ZFYVE1: variants seen among roughly 807,000 people sequenced by gnomAD.
ZFYVE1 encodes the protein zinc finger FYVE domain-containing protein 1.
In ZFYVE1, 30 loss-of-function variants were observed where a neutral mutation model predicts 74.4. The observed-to-expected ratio is 0.40, with a 90% confidence interval of 0.30 to 0.55. The LOEUF (loss-of-function observed/expected upper bound fraction) is 0.55, where lower values mean the gene tolerates loss of function less well. ZFYVE1 is among the 20% of genes least tolerant of loss of function. The pLI is 0.42. For missense variants in ZFYVE1, 703 were observed against 1,011.6 expected (o/e 0.69, Z 4.14); for synonymous variants, 335 against 385.1 (o/e 0.87, Z 1.52).
intron 2 of ZFYVE1, among the ~76,000 whole-genome samples, chr14:73,010,596 G>A (rs1410176926): frequency 2.7e-5 from 4 of 147,338 alleles, no homozygotes; most frequent in African/African-American, 5.0e-5. Context: ...GTGAAACTCC[G>A]TCTCAAAAAA....
intron 2 of ZFYVE1, among the ~76,000 whole-genome samples, chr14:73,006,128 C>T (rs890287858): frequency 1.3e-5 from 2 of 151,784 alleles, no homozygotes; most frequent in East Asian, 4.0e-4. Context: ...ACCGTGTTAG[C>T]CAGGATGGTC....
At chr14:73,003,031 G>A (rs112826774) in intron 2 of ZFYVE1, among the ~76,000 whole-genome samples, 10,223 of 147,030 alleles carry the variant, frequency 0.07, 498 homozygotes, top group South Asian at 0.19. Context: ...TGTGACCACC[G>A]TGCCCAGCCC....
intron 5 of ZFYVE1, among the ~76,000 whole-genome samples, chr14:72,980,541 ATTTATTTATTTATTT>A (rs1893297708): frequency 7.7e-5 from 9 of 117,208 alleles, no homozygotes; most frequent in South Asian, 2.5e-4. Context: ...TAATTAATTT[ATTTATTTATTTATTT>A]ATTTATTTAT....
At chr14:73,012,938 A>G (rs1380268123) in intron 2 of ZFYVE1, among the ~76,000 whole-genome samples, 2 of 152,186 alleles carry the variant, frequency 1.3e-5, no homozygotes, top group Non-Finnish European at 2.9e-5. Flanking sequence ...GCTAGAAAGT[A>G]GAGGAATTTC....
At chr14:72,993,506 G>C in intron 3 of ZFYVE1, 149 bp from the exon 4 acceptor site, 2 of 624,198 alleles carry the variant, frequency 3.2e-6, no homozygotes, top group Non-Finnish European at 5.3e-6. Flanking sequence ...AGTTCAGCCT[G>C]GCCAACATGG....
chr14:72,977,198 G>A (rs980262082), intron 8 of ZFYVE1, among the ~76,000 whole-genome samples: 3 of 152,132 alleles, frequency 2.0e-5, no homozygotes, highest in Admixed American at 6.6e-5. Flanking sequence ...ACCTGAGGTC[G>A]GGAGTTTGAA....
Position 72,993,303 on chromosome 14 carries a change from C to T in ZFYVE1, c.1043G>A (p.Gly348Asp), listed in dbSNP as rs750480920. 6.2e-7 allele frequency: 1 copy of T among 1,613,406 alleles called. No homozygotes were observed. Among genetic ancestry groups the T allele is most frequent in the South Asian group, 1.1e-5 (1 of 91,066 alleles). Residue 348 changes from glycine to aspartate, a missense_variant, in exon 4 of 12, where the codon GGC becomes GAC. Gly to Asp is a moderately conservative substitution (Grantham distance 94, BLOSUM62 -1). This residue lies in a region of ZFYVE1 where 492 missense variants were observed against 790.0 expected (regional missense o/e 0.62). Coordinates refer to ENST00000556143, the MANE Select transcript of ZFYVE1 (RefSeq NM_021260.4). ...GGAACTAAAGGCTTCAGGGAAACGG[C>T]CCAGCTTCCGGAACCGGTCCTGGAT... Reference protein sequence around the residue: ...KLIQDRFRKLGRFPEAFSSIH... With the variant: ...KLIQDRFRKLDRFPEAFSSIH...
intron 10 of ZFYVE1, 106 bp from the exon 11 acceptor site, chr14:72,974,299 C>T: frequency 9.9e-7 from 1 of 1,013,558 alleles, no homozygotes; most frequent in Non-Finnish European, 1.5e-6. Context: ...CCAGACACCA[C>T]TGTGCTGTCC....
At chr14:73,003,350 G>A (rs1372658017) in intron 2 of ZFYVE1, among the ~76,000 whole-genome samples, 2 of 152,102 alleles carry the variant, frequency 1.3e-5, no homozygotes, top group Admixed American at 6.6e-5. Context: ...ACACCTTGCT[G>A]ATTCTCAAGA....
At chr14:72,996,160 T>A (rs1051492892) in intron 3 of ZFYVE1, among the ~76,000 whole-genome samples, 1 of 151,540 alleles carries the variant, frequency 6.6e-6, no homozygotes, top group Non-Finnish European at 1.5e-5. Context: ...TGAAAAGGGG[T>A]AACTAAAGGA....
rs1172624399 is a variant in ZFYVE1, at chr14:73,024,704, A to C, written c.-196T>G. On this transcript the variant is annotated 5_prime_UTR_variant, in exon 2 of 12. Coordinates refer to ENST00000556143, the MANE Select transcript of ZFYVE1 (RefSeq NM_021260.4). ...AAATTTTTAATTTGCTGCCTCTAAG[A>C]CTCTTGTATTAGCAGCAACGTTGAT... 3 of 731,368 alleles carry C rather than the reference A, an allele frequency of 4.1e-6. No homozygotes were observed. The highest frequency in any genetic ancestry group is 6.2e-6 in the Non-Finnish European group (3 of 482,692). The allele number at this position is 731,368 out of a possible 1,614,324, so 45.3% of individuals were successfully genotyped here.
chr14:72,978,041 A>G lies in ZFYVE1; in HGVS notation c.1521T>C (p.Tyr507=), dbSNP rs112324826. ...MGLAKYAWSG[Y]VIECPNCGVV... is the part of the protein sequence containing the mutation. ...CGCCACAGTTAGGACATTCGATCAC[A>G]TACCTACAAGGAAAGCAAATCAATA... Residue 507 remains tyrosine, a synonymous_variant, in exon 8 of 12, where the codon TAT becomes TAC. Transcript: ENST00000556143. 5 of 1,614,070 alleles carry G rather than the reference A, an allele frequency of 3.1e-6. No individual in the cohort carries two copies. In the East Asian group the frequency reaches 1.1e-4, roughly 36 times the overall value.
intron 4 of ZFYVE1, among the ~76,000 whole-genome samples, chr14:72,986,564 T>A (rs1893486508): frequency 8.4e-6 from 1 of 119,126 alleles, no homozygotes; most frequent in Non-Finnish European, 2.0e-5. Context: ...CAGCTTTTCC[T>A]TTTTTTTTTT....
At chr14:72,972,345 G>T (rs1197514340) in intron 11 of ZFYVE1, among the ~76,000 whole-genome samples, 2 of 152,222 alleles carry the variant, frequency 1.3e-5, no homozygotes, top group African/African-American at 4.8e-5. Flanking sequence ...CCCTGTGGGC[G>T]CTCAGAATGG....
At chr14:72,982,277 A>G (rs1893354017) in intron 4 of ZFYVE1, among the ~76,000 whole-genome samples, 1 of 152,176 alleles carries the variant, frequency 6.6e-6, no homozygotes, top group Admixed American at 6.6e-5. Context: ...CCACAGGCAG[A>G]GCCCAGATGT....
intron 4 of ZFYVE1, among the ~76,000 whole-genome samples, chr14:72,982,813 G>A (rs1228160311): frequency 6.6e-6 from 1 of 152,270 alleles, no homozygotes; most frequent in South Asian, 2.1e-4. Context: ...CTGGAAAAAG[G>A]GCAGGTTAGG....
chr14:72,992,630 T>TCCCCCCCCCCCCC (rs1324391955), intron 4 of ZFYVE1, among the ~76,000 whole-genome samples: 3 of 55,332 alleles, frequency 5.4e-5, no homozygotes, highest in Non-Finnish European at 1.3e-4. Flanking sequence ...CCCCGCCCCT[T>TCCCCCCCCCCCCC]GCAAGAGAGA....
rs111736100 is a variant in ZFYVE1, at chr14:72,978,882, G to A, written c.1398C>T (p.Asp466=). 26 of 1,614,010 alleles carry A rather than the reference G, an allele frequency of 1.6e-5. No homozygotes were observed. The highest frequency in any genetic ancestry group is 2.0e-5 in the Non-Finnish European group (24 of 1,179,970). ...KSRCRYSHQY[D]NRVYTCKACY... ...TCACCTTGCAGGTATACACTCGGTT[G>A]TCATACTGGTGGGAGTATCTGCAGC... Residue 466 remains aspartate, a synonymous_variant, in exon 6 of 12, where the codon GAC becomes GAT. Transcript: ENST00000556143.
chr14:72,980,216 G>A (rs1207092897), intron 5 of ZFYVE1, among the ~76,000 whole-genome samples: 1 of 152,218 alleles, frequency 6.6e-6, no homozygotes, highest in East Asian at 1.9e-4. Context: ...AGGTGGTTCT[G>A]CATGCAGCAG....
Sources: gnomAD v4.1 joint callset for allele counts (sites outside exome capture counted in the v4.1 genomes callset) on GRCh38, gnomAD v4.1.1 for gene constraint, gnomAD v4.1.1 regional missense constraint, MANE v1.5 for transcripts, NCBI Gene and HGNC (gene_info 2026-07-23, HGNC 2026-07-21) for gene names.